Variants in PCDH11X observed in about 807,000 individuals in gnomAD.
PCDH11X encodes the protein protocadherin 11 X-linked.
A neutral mutation model predicts 53.3 loss-of-function variants in PCDH11X; 18 were observed. The ratio of observed to expected loss-of-function variants is 0.34; its 90% CI spans 0.23 to 0.50. PCDH11X has a LOEUF of 0.50. PCDH11X is among the 20% of genes least tolerant of loss of function. PCDH11X has a pLI of 0.98. For synonymous variants in PCDH11X, 279 were observed against 393.3 expected, an observed-to-expected ratio of 0.71 and a Z score of 3.44; for missense variants, 570 against 1,032.4, an observed-to-expected ratio of 0.55 and a Z score of 6.14.
At chrX:92,360,842 G>A (rs1473113637) in intron 8 of PCDH11X, among the ~76,000 whole-genome samples, 1 of 108,429 alleles carries the variant, frequency 9.2e-6, no homozygotes, top group Non-Finnish European at 1.9e-5. Context: ...TTTGCTGTTT[G>A]GCTCCCAGAT....
intron 6 of PCDH11X, among the ~76,000 whole-genome samples, chrX:91,960,419 G>T (rs1305411245): frequency 9.1e-6 from 1 of 110,365 alleles, no homozygotes; most frequent in Non-Finnish European, 1.9e-5. Context: ...TTTTCACTTT[G>T]TTTGTTTGTT....
chrX:92,513,996 T>A (rs2074210227), intron 10 of PCDH11X, among the ~76,000 whole-genome samples: 1 of 111,404 alleles, frequency 9.0e-6, no homozygotes, highest in South Asian at 3.8e-4. Flanking sequence ...CTGGCTTCAC[T>A]TAGCATAGTG....
chrX:92,400,572 C>T (rs1410474955), intron 9 of PCDH11X, among the ~76,000 whole-genome samples: 1 of 109,806 alleles, frequency 9.1e-6, no homozygotes, highest in East Asian at 2.9e-4. Context: ...TTTTGGGAAA[C>T]ATATTTGCTT....
chrX:92,129,814 G>A (rs769314690), intron 6 of PCDH11X, among the ~76,000 whole-genome samples: 2 of 111,466 alleles, frequency 1.8e-5, no homozygotes, highest in South Asian at 7.6e-4. Context: ...AGGTCTGAGA[G>A]TTCTTTCTGT....
chrX:92,568,222 C>A (rs1921732478), intron 10 of PCDH11X, among the ~76,000 whole-genome samples: 4 of 109,924 alleles, frequency 3.6e-5, no homozygotes, highest in Admixed American at 2.9e-4. Context: ...GAGATCGAGA[C>A]CATCCTGACT....
chrX:92,172,317 CT>C (rs1357264324), intron 6 of PCDH11X, among the ~76,000 whole-genome samples: 1 of 106,575 alleles, frequency 9.4e-6, no homozygotes, highest in Non-Finnish European at 1.9e-5. Flanking sequence ...CTGTATATTC[CT>C]TGTTTGTTTA....
chrX:92,260,333 G>A (rs373140059), intron 7 of PCDH11X, among the ~76,000 whole-genome samples: 15 of 110,655 alleles, frequency 1.4e-4, no homozygotes, highest in South Asian at 1.2e-3. Context: ...GTGGGAGGGC[G>A]TCGGCTGAGT....
At chrX:92,361,476 T>C (rs2070344099) in intron 8 of PCDH11X, among the ~76,000 whole-genome samples, 5 of 111,470 alleles carry the variant, frequency 4.5e-5, no homozygotes, top group Non-Finnish European at 9.4e-5. Flanking sequence ...AATTATCTTT[T>C]CCAATTTTAT....
intron 6 of PCDH11X, among the ~76,000 whole-genome samples, chrX:91,930,765 A>T (rs1170973241): frequency 9.8e-6 from 1 of 102,271 alleles, no homozygotes; most frequent in Non-Finnish European, 2.0e-5. Flanking sequence ...ACTTGGAAGT[A>T]CATTTGATGG....
Position 92,101,033 on chromosome X carries a change from T to A in PCDH11X, c.3034-100342T>A, listed in dbSNP as rs758453517. Among the ~76,000 whole-genome samples the A allele has an allele frequency of 2.1e-4, 23 of 111,656 alleles. No homozygotes were observed. The East Asian group carries it at 5.1e-3, about 25-fold the overall frequency. ...AATTGGGAGGACCTAGGACATCTGA[T>A]TAGAGAGTGCCTAAGGAGATTCAGC... is the stretch of plus-strand genomic sequence containing the variant. On this transcript the variant is annotated intron_variant, in intron 6 of 10. Coordinates refer to ENST00000682573, the MANE Select transcript of PCDH11X (RefSeq NM_032968.5).
chrX:92,447,648 G>A (rs1402965944), intron 9 of PCDH11X, among the ~76,000 whole-genome samples: 2 of 112,626 alleles, frequency 1.8e-5, no homozygotes, highest in African/African-American at 6.4e-5. Context: ...ACCTCTGCTA[G>A]GGCAATGTGG....
intron 7 of PCDH11X, among the ~76,000 whole-genome samples, chrX:92,253,455 GT>G (rs201050287): frequency 0.12 from 13,090 of 111,102 alleles, 1,245 homozygotes; most frequent in African/African-American, 0.31. Flanking sequence ...TTTTAGAATT[GT>G]TTTTTCTCTT....
At chrX:91,847,236 G>T (rs1014170123) in intron 5 of PCDH11X, among the ~76,000 whole-genome samples, 1 of 110,595 alleles carries the variant, frequency 9.0e-6, no homozygotes, top group Non-Finnish European at 1.9e-5. Flanking sequence ...CACAATCATG[G>T]CATGCTACAG....
intron 6 of PCDH11X, among the ~76,000 whole-genome samples, chrX:91,918,657 GT>G (rs764053391): frequency 1.8e-5 from 2 of 110,409 alleles, no homozygotes; most frequent in African/African-American, 6.6e-5. Context: ...AAAAAAATGT[GT>G]TTTTTTCACA....
intron 6 of PCDH11X, among the ~76,000 whole-genome samples, chrX:91,965,717 T>A (rs2061853897): frequency 8.9e-6 from 1 of 112,348 alleles, no homozygotes. Context: ...TAAAATTCTT[T>A]AAACAACTAT....
Position 92,369,069 on chromosome X carries a change from C to A in PCDH11X, c.3145-18666C>A, listed in dbSNP as rs1329504317. On this transcript the variant is annotated intron_variant, in intron 8 of 10. Coordinates refer to ENST00000682573, the MANE Select transcript of PCDH11X (RefSeq NM_032968.5). ...TTTTATCAGGATCAGCTGCTCTCTT[C>A]AGAGCCAGCAGGCAGGAATGATGAT... 1.1e-4 allele frequency among the ~76,000 whole-genome samples: 10 copies of A among 93,802 alleles called. No individual in the cohort carries two copies. In the Admixed American group the frequency reaches 1.1e-3, roughly 10 times the overall value. The allele number at this position is 93,802 out of a possible 115,157, so 81.5% of individuals were successfully genotyped here. A position where few individuals can be genotyped will look rare whatever the true frequency, so the allele number is the denominator to read the frequency against.
At chrX:92,093,115 T>C (rs2064076828) in intron 6 of PCDH11X, among the ~76,000 whole-genome samples, 1 of 111,442 alleles carries the variant, frequency 9.0e-6, no homozygotes, top group Non-Finnish European at 1.9e-5. Context: ...ATGCTTCTTA[T>C]ACAACCTGGA....
rs1334415821 is a variant in PCDH11X at position 92,336,807 on chromosome X, T to C, written c.3145-50928T>C. 2.7e-5 allele frequency among the ~76,000 whole-genome samples: 3 copies of C among 111,751 alleles called. No homozygotes were observed. The Admixed American group carries it at 2.9e-4, about 11-fold the overall frequency. On this transcript the variant is annotated intron_variant, in intron 8 of 10. Coordinates refer to ENST00000682573, the MANE Select transcript of PCDH11X (RefSeq NM_032968.5). ...GAGCCAATTAGTTCACAGCAAAGTG[T>C]GTAACATAAGGTTTTTTTTTAAGAA...
chrX:92,290,152 G>T (rs1408537287), intron 8 of PCDH11X, among the ~76,000 whole-genome samples: 1 of 111,514 alleles, frequency 9.0e-6, no homozygotes, highest in East Asian at 2.8e-4. Context: ...AATCAAATTA[G>T]TGAGTACTAA....
Sources: gnomAD v4.1 joint callset for allele counts (sites outside exome capture counted in the v4.1 genomes callset) on GRCh38, gnomAD v4.1.1 for gene constraint, MANE v1.5 for transcripts, NCBI Gene and HGNC (gene_info 2026-07-23, HGNC 2026-07-21) for gene names.